The following LRRTM4 variants were observed in gnomAD, a reference collection of about 807,000 sequenced individuals.
LRRTM4 encodes leucine-rich repeat transmembrane neuronal protein 4.
A neutral mutation model predicts 47.6 loss-of-function variants in LRRTM4; 25 were observed. The observed-to-expected ratio is 0.53, with a 90% CI of 0.38 to 0.73. The LOEUF is 0.73. Ranked by LOEUF, LRRTM4 falls within the 30% of genes least tolerant of loss-of-function variation. LRRTM4 has a pLI of 0.00. For missense variants in LRRTM4, 638 were observed against 713.4 expected (o/e 0.89, Z 1.20); for synonymous variants, 311 against 269.5 (o/e 1.15, Z -1.51).
At chr2:76,869,347 A>G (rs1486555681) in intron 3 of LRRTM4, among the ~76,000 whole-genome samples, 1 of 152,018 alleles carries the variant, frequency 6.6e-6, no homozygotes, top group Non-Finnish European at 1.5e-5. Flanking sequence ...GAAAATTTCC[A>G]GTGGCAGGTT....
chr2:77,257,818 A>G (rs1573155011), intron 3 of LRRTM4, among the ~76,000 whole-genome samples: 2 of 152,118 alleles, frequency 1.3e-5, no homozygotes, highest in East Asian at 3.9e-4. Context: ...ATGGCAAACG[A>G]CCATGTGGGA....
intron 3 of LRRTM4, among the ~76,000 whole-genome samples, chr2:76,903,141 G>A (rs1016913856): frequency 3.9e-5 from 6 of 152,154 alleles, no homozygotes; most frequent in Non-Finnish European, 7.4e-5. Flanking sequence ...GGAGGCCAAG[G>A]TGGGTGGATC....
At chr2:76,782,791 T>C (rs1674472750) in intron 3 of LRRTM4, among the ~76,000 whole-genome samples, 2 of 152,224 alleles carry the variant, frequency 1.3e-5, no homozygotes, top group African/African-American at 4.8e-5. Context: ...TAAACCTGTG[T>C]TGTTTAAGGG....
intron 3 of LRRTM4, among the ~76,000 whole-genome samples, chr2:77,103,454 A>G (rs763913798): frequency 1.3e-5 from 2 of 152,124 alleles, no homozygotes; most frequent in African/African-American, 4.8e-5. Context: ...ACAGCCATCC[A>G]TCTGTAAGAA....
At chr2:77,187,869 T>C (rs1673554500) in intron 3 of LRRTM4, among the ~76,000 whole-genome samples, 1 of 152,156 alleles carries the variant, frequency 6.6e-6, no homozygotes, top group East Asian at 1.9e-4. Context: ...TTTTTTCTTA[T>C]GAAAAAATAA....
chr2:76,797,780 G>C (rs1210172952), intron 3 of LRRTM4, among the ~76,000 whole-genome samples: 3 of 149,964 alleles, frequency 2.0e-5, no homozygotes, highest in African/African-American at 5.0e-5. Flanking sequence ...GATCTACCAA[G>C]CCAATGGAAA....
intron 3 of LRRTM4, among the ~76,000 whole-genome samples, chr2:76,977,036 T>G (rs1676445878): frequency 6.6e-6 from 1 of 151,758 alleles, no homozygotes; most frequent in African/African-American, 2.4e-5. Flanking sequence ...TGTTTACATG[T>G]GTCAGTGTAC....
chr2:77,218,135 C>T (rs1674511074), intron 3 of LRRTM4, among the ~76,000 whole-genome samples: 1 of 152,154 alleles, frequency 6.6e-6, no homozygotes, highest in Admixed American at 6.5e-5. Flanking sequence ...GCTGGGATTA[C>T]AGGCATGTGC....
chr2:76,830,091 GA>G (rs200723822), intron 3 of LRRTM4, among the ~76,000 whole-genome samples: 4 of 151,116 alleles, frequency 2.6e-5, no homozygotes, highest in East Asian at 1.9e-4. Flanking sequence ...TTCCCCAACA[GA>G]AAAAAAACAC....
intron 3 of LRRTM4, among the ~76,000 whole-genome samples, chr2:76,752,325 T>C (rs1057308653): frequency 2.6e-5 from 4 of 152,320 alleles, no homozygotes; most frequent in Middle Eastern, 3.4e-3. Flanking sequence ...GGTATTTGTC[T>C]TTGAATTAAG....
At chr2:77,063,228 G>C (rs910992305) in intron 3 of LRRTM4, among the ~76,000 whole-genome samples, 2 of 152,162 alleles carry the variant, frequency 1.3e-5, no homozygotes, top group Admixed American at 6.5e-5. Context: ...CAAGTGCTGG[G>C]ATTATAGGCG....
chr2:76,957,125 T>G (rs1032648002), intron 3 of LRRTM4, among the ~76,000 whole-genome samples: 2 of 151,696 alleles, frequency 1.3e-5, no homozygotes, highest in Non-Finnish European at 3.0e-5. Context: ...TGGATACACT[T>G]TAAAGACATT....
intron 3 of LRRTM4, among the ~76,000 whole-genome samples, chr2:77,018,918 GGT>G (rs1678169180): frequency 4.0e-5 from 6 of 151,840 alleles, no homozygotes; most frequent in African/African-American, 1.2e-4. Flanking sequence ...GTTTGAATGT[GGT>G]AATGCATAAT....
intron 3 of LRRTM4, among the ~76,000 whole-genome samples, chr2:76,884,453 G>A (rs1391891662): frequency 1.3e-5 from 2 of 152,134 alleles, no homozygotes; most frequent in Non-Finnish European, 2.9e-5. Context: ...ACAGACAGAT[G>A]TTTAGCAAAC....
chr2:77,257,405 A>T (rs1042001315), intron 3 of LRRTM4, among the ~76,000 whole-genome samples: 1 of 152,106 alleles, frequency 6.6e-6, no homozygotes, highest in Non-Finnish European at 1.5e-5. Flanking sequence ...TGCTATCAAT[A>T]AATATGTGAA....
At chr2:76,904,775 A>G (rs1026951260) in intron 3 of LRRTM4, among the ~76,000 whole-genome samples, 5 of 152,158 alleles carry the variant, frequency 3.3e-5, no homozygotes, top group African/African-American at 1.2e-4. Flanking sequence ...ATATGTAAAA[A>G]ATGAAAGGGG....
chr2:76,928,002 A>C (rs1449688707), intron 3 of LRRTM4, among the ~76,000 whole-genome samples: 1 of 152,184 alleles, frequency 6.6e-6, no homozygotes, highest in Non-Finnish European at 1.5e-5. Context: ...ATAATTTTGT[A>C]AAATACGTGT....
chr2:77,164,605 C>T (rs1159963764), intron 3 of LRRTM4, among the ~76,000 whole-genome samples: 1 of 152,152 alleles, frequency 6.6e-6, no homozygotes, highest in African/African-American at 2.4e-5. Flanking sequence ...GAAATTATAA[C>T]AAACTGTCTC....
At chr2:77,088,642 T>C (rs1241767730) in intron 3 of LRRTM4, among the ~76,000 whole-genome samples, 3 of 152,164 alleles carry the variant, frequency 2.0e-5, no homozygotes, top group African/African-American at 7.2e-5. Flanking sequence ...ACACAAAGCC[T>C]GTTTGGTGGT....
Sources: gnomAD v4.1 joint callset for allele counts (sites outside exome capture counted in the v4.1 genomes callset) on GRCh38, gnomAD v4.1.1 for gene constraint, MANE v1.5 for transcripts, NCBI Gene and HGNC (gene_info 2026-07-23, HGNC 2026-07-21) for gene names.